Variants in ENOX1 observed in about 807,000 individuals in gnomAD.
ENOX1 encodes the protein candidate growth-related and time keeping constitutive hydroquinone (NADH) oxidase.
A neutral mutation model predicts 82.5 loss-of-function variants in ENOX1; 42 were observed. The observed-to-expected ratio is 0.51, with a 90% CI of 0.40 to 0.66. The LOEUF is 0.66. Among genes scored for constraint, ENOX1 ranks in the 30% least tolerant of loss-of-function variants. The pLI, the probability that ENOX1 is intolerant of heterozygous loss-of-function variation, is 0.00. For synonymous variants in ENOX1, 271 were observed against 282.2 expected (o/e 0.96, Z 0.40); for missense variants, 608 against 811.6 (o/e 0.75, Z 3.05).
intron 5 of ENOX1, among the ~76,000 whole-genome samples, chr13:43,389,183 C>G (rs1381586307): frequency 6.6e-6 from 1 of 152,112 alleles, no homozygotes; most frequent in African/African-American, 2.4e-5. Context: ...TCAACAGTAA[C>G]TAAACGACCA....
intron 2 of ENOX1, among the ~76,000 whole-genome samples, chr13:43,486,579 T>G (rs2076426644): frequency 6.6e-6 from 1 of 152,136 alleles, no homozygotes; most frequent in African/African-American, 2.4e-5. Flanking sequence ...ATAATCAAGA[T>G]AGCCTTTTAG....
chr13:43,281,147 G>A (rs2045356923), intron 12 of ENOX1, among the ~76,000 whole-genome samples: 1 of 152,138 alleles, frequency 6.6e-6, no homozygotes, highest in Admixed American at 6.6e-5. Context: ...CTGAACCTCT[G>A]AACTATCTCA....
intron 3 of ENOX1, among the ~76,000 whole-genome samples, chr13:43,477,515 T>C (rs1021591944): frequency 1.3e-5 from 2 of 152,162 alleles, no homozygotes; most frequent in African/African-American, 4.8e-5. Flanking sequence ...CTGATTATTT[T>C]CCATCTTCAG....
At chr13:43,695,147 C>T (rs2086568846) in intron 1 of ENOX1, among the ~76,000 whole-genome samples, 1 of 152,080 alleles carries the variant, frequency 6.6e-6, no homozygotes, top group Admixed American at 6.5e-5. Context: ...CTGCAGTCAC[C>T]AGGCCCCGCA....
rs184764875 is a variant in ENOX1 at position 43,643,682 on chromosome 13, T to C, written c.-219+23797A>G. Among the ~76,000 whole-genome samples, 34 of 151,764 alleles carry C rather than the reference T, an allele frequency of 2.2e-4. No individual in the cohort carries two copies. The East Asian group carries it at 6.6e-3, about 29-fold the overall frequency. On this transcript the variant is annotated intron_variant, in intron 2 of 16. Coordinates refer to ENST00000690772, the MANE Select transcript of ENOX1 (RefSeq NM_001347969.2). ...ATATATATATACATGCACATACATATAAATATCCATATATACATAAATATA... is the reference window on the plus strand; with the variant it reads ...ATATATATATACATGCACATACATACAAATATCCATATATACATAAATATA...
rs114981288 is a variant in ENOX1, at chr13:43,697,798, T to C, written c.-284-30254A>G. ...TAACCAGAAGTAACTCTACCTCCCC[T>C]CTGTCAACACCTGGTTTACAGGAGC... is the stretch of plus-strand genomic sequence containing the variant. On this transcript the variant is annotated intron_variant, in intron 1 of 16. Coordinates refer to ENST00000690772, the MANE Select transcript of ENOX1 (RefSeq NM_001347969.2). 5.6e-3 allele frequency among the ~76,000 whole-genome samples: 860 copies of C among 152,266 alleles called. 7 individuals carry two copies. Among genetic ancestry groups the C allele is most frequent in the African/African-American group, 0.02 (830 of 41,566 alleles).
intron 5 of ENOX1, among the ~76,000 whole-genome samples, chr13:43,377,224 G>A (rs146086156): frequency 2.2e-4 from 33 of 152,148 alleles, no homozygotes; most frequent in Admixed American, 3.9e-4. Context: ...TTGTGAGAGC[G>A]GGCTCCTGAT....
At chr13:43,706,682 T>C (rs1180405255) in intron 1 of ENOX1, among the ~76,000 whole-genome samples, 1 of 142,634 alleles carries the variant, frequency 7.0e-6, no homozygotes, top group Non-Finnish European at 1.5e-5. Context: ...AGAAAGGACA[T>C]TTTACAAAAT....
chr13:43,273,588 A>T (rs1026927754), intron 12 of ENOX1, among the ~76,000 whole-genome samples: 3 of 152,128 alleles, frequency 2.0e-5, no homozygotes, highest in Non-Finnish European at 4.4e-5. Flanking sequence ...TGCCTTTGTA[A>T]AACTGAAAAG....
intron 2 of ENOX1, among the ~76,000 whole-genome samples, chr13:43,606,584 G>C (rs903573352): frequency 1.3e-5 from 2 of 152,152 alleles, no homozygotes; most frequent in Non-Finnish European, 2.9e-5. Context: ...ATTTGTGGGA[G>C]CTAAAAATTA....
chr13:43,291,055 A>T (rs1017694539), intron 12 of ENOX1, among the ~76,000 whole-genome samples: 18 of 152,276 alleles, frequency 1.2e-4, no homozygotes, highest in Admixed American at 5.2e-4. Context: ...GTTGAAAAAA[A>T]TTTTTAAAAG....
At position 43,696,092 on chromosome 13, in the gene ENOX1, G is replaced by A. The variant is rs1326532145; in HGVS notation, c.-284-28548C>T. ...TTTCACTCAGCATAATGTCTTCAAA[G>A]TTCATCTATGTTGCAACATGTGTTG... On this transcript the variant is annotated intron_variant, in intron 1 of 16. Transcript: ENST00000690772. Among the ~76,000 whole-genome samples, 3 of 152,070 alleles carry A rather than the reference G, an allele frequency of 2.0e-5. No individual in the cohort carries two copies. In the East Asian group the frequency reaches 5.8e-4, roughly 29 times the overall value.
intron 1 of ENOX1, among the ~76,000 whole-genome samples, chr13:43,722,518 G>A (rs1161002054): frequency 6.6e-6 from 1 of 152,156 alleles, no homozygotes; most frequent in East Asian, 1.9e-4. Flanking sequence ...GAGAGTACAG[G>A]ACTACCTAAG....
At chr13:43,600,531 G>A (rs1350353024) in intron 2 of ENOX1, among the ~76,000 whole-genome samples, 1 of 152,144 alleles carries the variant, frequency 6.6e-6, no homozygotes, top group African/African-American at 2.4e-5. Flanking sequence ...AGAGAATCAG[G>A]TAGATTATTA....
At chr13:43,418,483 G>A (rs2054773299) in intron 3 of ENOX1, among the ~76,000 whole-genome samples, 3 of 151,082 alleles carry the variant, frequency 2.0e-5, no homozygotes, top group Admixed American at 2.0e-4. Context: ...AGCTGAGATT[G>A]TGCCACTGCA....
chr13:43,592,388 A>G (rs979305016), intron 2 of ENOX1, among the ~76,000 whole-genome samples: 2 of 152,226 alleles, frequency 1.3e-5, no homozygotes, highest in Non-Finnish European at 2.9e-5. Flanking sequence ...TGATTAAGTA[A>G]TTTATGGGAA....
intron 14 of ENOX1, among the ~76,000 whole-genome samples, chr13:43,255,172 T>C (rs2043676067): frequency 6.6e-6 from 1 of 152,190 alleles, no homozygotes; most frequent in East Asian, 1.9e-4. Context: ...TACATCACAT[T>C]AACAGAACCA....
chr13:43,672,517 A>C (rs2085316731), intron 1 of ENOX1, among the ~76,000 whole-genome samples: 1 of 152,186 alleles, frequency 6.6e-6, no homozygotes, highest in Non-Finnish European at 1.5e-5. Context: ...ATAAATTTGT[A>C]TGCTTTTCTC....
intron 2 of ENOX1, among the ~76,000 whole-genome samples, chr13:43,625,302 A>AT (rs1566661321): frequency 6.6e-6 from 1 of 151,852 alleles, no homozygotes; most frequent in African/African-American, 2.4e-5. Context: ...TGCCATCTGC[A>AT]GATAAAAACT....
Sources: allele counts gnomAD v4.1 joint callset (sites outside exome capture counted in the v4.1 genomes callset), GRCh38; gene constraint gnomAD v4.1.1; transcripts MANE v1.5; gene names NCBI Gene and HGNC (gene_info 2026-07-23, HGNC 2026-07-21).